Variants in TMEM31 observed in about 807,000 individuals in gnomAD.
The protein encoded by TMEM31 is testicular secretory protein Li 58.
Under a neutral mutation model 2.4 loss-of-function variants are expected in TMEM31, and 1 was observed. That is an observed-to-expected ratio of 0.42 (90% confidence interval 0.15 to 1.97). TMEM31 has a LOEUF of 1.97. Ranked by LOEUF, TMEM31 falls within the 30% of genes most tolerant of loss-of-function variation. The pLI, the probability that TMEM31 is intolerant of heterozygous loss-of-function variation, is 0.30. For synonymous variants in TMEM31, 47 were observed against 45.8 expected (o/e 1.03, Z -0.10); for missense variants, 119 against 121.3 (o/e 0.98, Z 0.09).
rs143771884 is a variant in TMEM31, at chrX:103,713,660, C to G, written c.169C>G (p.Arg57Gly). ...TQPSRCRLPS[R>G]RTPTTSSDRT... is the part of the protein sequence containing the mutation. ...GCCATCCAGATGTCGATTGCCTTCA[C>G]GTAGGACACCTACAACATCCAGCGA... is the stretch of plus-strand genomic sequence containing the variant. The change falls in exon 3 of 3, where the codon CGT becomes GGT. Residue 57 changes from arginine to glycine, a missense_variant. By Grantham distance (125) the Arg-to-Gly change is moderately radical (BLOSUM62 -2). Transcript: ENST00000319560. 4 of 1,212,308 alleles carry G rather than the reference C, an allele frequency of 3.3e-6. No homozygotes were observed. The African/African-American group carries it at 6.9e-5, about 21-fold the overall frequency.
In TMEM31 at chrX:103,713,924, T is replaced by C; in HGVS notation, c.433T>C (p.Ser145Pro). Residue 145 changes from serine to proline, a missense_variant, in exon 3 of 3, where the codon TCC becomes CCC. Transcript: ENST00000319560. ...FYKFFLPTILSLSFFILLVLL... is the reference protein window; with the variant it reads ...FYKFFLPTILPLSFFILLVLL... ...CAAGTTTTTCCTTCCTACAATTCTT[T>C]CCCTTTCTTTCTTTATTCTTCTTGT... 8.3e-7 allele frequency: 1 copy of C among 1,211,611 alleles called. No individual in the cohort carries two copies. Among genetic ancestry groups the C allele is most frequent in the African/African-American group, 1.7e-5 (1 of 57,796 alleles).
At chrX:103,713,397 G>T (rs1173080520) in intron 2 of TMEM31, 197 bp from the exon 3 acceptor site, 10 of 798,855 alleles carry the variant, frequency 1.3e-5, no homozygotes, top group Non-Finnish European at 1.8e-5. Context: ...TATGAATCCA[G>T]GGTTTCTGAT....
intron 1 of TMEM31, among the ~76,000 whole-genome samples, chrX:103,711,387 C>G (rs376114412): frequency 3.7e-4 from 40 of 107,682 alleles, no homozygotes; most frequent in East Asian, 2.0e-3. Context: ...AGGAGGCTGA[C>G]GCAGGAGAAT....
intron 1 of TMEM31, among the ~76,000 whole-genome samples, chrX:103,711,599 T>G (rs976354918): frequency 1.8e-5 from 2 of 112,001 alleles, no homozygotes; most frequent in African/African-American, 6.5e-5. Flanking sequence ...GCTTTTAGGT[T>G]TCTTGAAGAA....
Position 103,713,861 on chromosome X carries a change from A to G in TMEM31, c.370A>G (p.Ile124Val). 2.5e-6 allele frequency: 3 copies of G among 1,211,815 alleles called. No homozygotes were observed. The highest frequency in any genetic ancestry group is 3.4e-6 in the Non-Finnish European group (3 of 895,511). Residue 124 changes from isoleucine (I) to valine (V), a missense_variant, in exon 3 of 3, where the codon ATA (isoleucine) becomes GTA (valine). Transcript: ENST00000319560. ...AQMEKIGLPI[I>V]LHLFALSTLY... ...GATGGAAAAGATCGGACTGCCCATC[A>G]TACTCCACCTCTTCGCACTCTCCAC...
rs1403109213 is a variant in TMEM31, at chrX:103,713,803, C to T, written c.312C>T (p.Ala104=). The T allele has an allele frequency of 8.3e-7, 1 of 1,209,786 alleles. No individual in the cohort carries two copies. The highest frequency in any genetic ancestry group is 1.8e-5 in the African/African-American group (1 of 56,998). The change falls in exon 3 of 3, where the codon GCC becomes GCT. Residue 104 remains alanine (A), a synonymous_variant. Transcript: ENST00000319560. ...AATTTCTTCTGGTGTTTAAAGAAGC[C>T]TTCCATGACATATCCCATTGTCTGA... is the stretch of plus-strand genomic sequence containing the variant. ...YPEFLLVFKE[A]FHDISHCLKA...
At chrX:103,713,463 T>C (rs1243623567) in intron 2 of TMEM31, 131 bp from the exon 3 acceptor site, 24 of 1,154,259 alleles carry the variant, frequency 2.1e-5, no homozygotes, top group Non-Finnish European at 2.8e-5. Context: ...GGAGGCGGAG[T>C]AGGGAGGAAG....
intron 1 of TMEM31, among the ~76,000 whole-genome samples, chrX:103,711,979 T>C (rs1414499438): frequency 5.4e-5 from 6 of 111,850 alleles, no homozygotes; most frequent in African/African-American, 2.0e-4. Context: ...TCTCTGGCTT[T>C]AGAGCCTCCA....
intron 1 of TMEM31, among the ~76,000 whole-genome samples, chrX:103,711,345 G>C (rs1307625545): frequency 1.8e-5 from 2 of 110,406 alleles, no homozygotes; most frequent in Admixed American, 1.9e-4. Flanking sequence ...TTAGCCGGGC[G>C]TGGTGGCGGG....
intron 2 of TMEM31, among the ~76,000 whole-genome samples, chrX:103,712,690 C>T (rs767979265): frequency 9.0e-6 from 1 of 111,546 alleles, no homozygotes; most frequent in South Asian, 3.7e-4. Flanking sequence ...CACCACCACA[C>T]CGGCTAATTT....
At position 103,712,238 on chromosome X, in the gene TMEM31, G is replaced by A. The variant is rs1311837702; in HGVS notation, c.-21G>A. On this transcript the variant is annotated splice_region_variant and 5_prime_UTR_variant, in exon 2 of 3. Coordinates refer to ENST00000319560, the MANE Select transcript of TMEM31 (RefSeq NM_182541.2). Reference sequence around the variant, plus strand: ...AGATTTCTTTTATATTTCCCCAGGTGATCACTTTACTGTAGAAGAAATGAG... The same window carrying A: ...AGATTTCTTTTATATTTCCCCAGGTAATCACTTTACTGTAGAAGAAATGAG... The A allele has an allele frequency of 8.5e-7, 1 of 1,177,234 alleles. No homozygotes were observed. Among genetic ancestry groups the A allele is most frequent in the Admixed American group, 2.3e-5 (1 of 42,689 alleles).
intron 1 of TMEM31, 78 bp from the exon 2 acceptor site, chrX:103,712,158 T>A (rs2074226261): frequency 2.8e-6 from 2 of 713,154 alleles, no homozygotes; most frequent in Non-Finnish European, 4.2e-6. Context: ...ACAACTTACC[T>A]AGCACCTATT....
intron 2 of TMEM31, among the ~76,000 whole-genome samples, chrX:103,713,098 T>TC (rs1450884130): frequency 4.5e-5 from 5 of 110,270 alleles, no homozygotes; most frequent in African/African-American, 1.3e-4. Context: ...TTTCTTTCTT[T>TC]TTTTTTTTTG....
At chrX:103,712,683 C>G (rs1403397541) in intron 2 of TMEM31, among the ~76,000 whole-genome samples, 2 of 111,298 alleles carry the variant, frequency 1.8e-5, no homozygotes, top group Non-Finnish European at 3.8e-5. Flanking sequence ...AGGTGCCCAC[C>G]ACCACACCGG....
chrX:103,713,037 C>T (rs1377335052), intron 2 of TMEM31, among the ~76,000 whole-genome samples: 5 of 110,717 alleles, frequency 4.5e-5, no homozygotes, highest in African/African-American at 1.3e-4. Context: ...GATTAAAGTA[C>T]TTAGCTTAAC....
chrX:103,711,945 C>T (rs1015052843), intron 1 of TMEM31, among the ~76,000 whole-genome samples: 2 of 111,765 alleles, frequency 1.8e-5, no homozygotes, highest in Non-Finnish European at 3.8e-5. Context: ...TTTCCCATCC[C>T]CCAGAGGTCA....
At chrX:103,713,321 C>A (rs926424970) in intron 2 of TMEM31, among the ~76,000 whole-genome samples, 1 of 111,265 alleles carries the variant, frequency 9.0e-6, no homozygotes, top group African/African-American at 3.3e-5. Flanking sequence ...AACTCCCGAC[C>A]ACAGGTGATC....
chrX:103,712,399 G>A, intron 2 of TMEM31, 39 bp downstream of exon 2: 1 of 1,095,291 alleles, frequency 9.1e-7, no homozygotes, highest in Non-Finnish European at 1.2e-6. Context: ...AGTTATGGGG[G>A]TCCTCTTATA....
chrX:103,713,660 C>T lies in TMEM31; in HGVS notation c.169C>T (p.Arg57Cys), dbSNP rs143771884. ...GCCATCCAGATGTCGATTGCCTTCA[C>T]GTAGGACACCTACAACATCCAGCGA... Reference protein sequence around the residue: ...TQPSRCRLPSRRTPTTSSDRT... With the variant: ...TQPSRCRLPSCRTPTTSSDRT... The change falls in exon 3 of 3, where the codon CGT becomes TGT. Residue 57 changes from arginine to cysteine, a missense_variant. Arg to Cys is a radical substitution (Grantham distance 180). Transcript: ENST00000319560. 9.9e-6 allele frequency: 12 copies of T among 1,210,673 alleles called. No individual in the cohort carries two copies. The African/African-American group carries it at 1.4e-4, about 14-fold the overall frequency.
Sources: gnomAD v4.1 joint callset for allele counts (sites outside exome capture counted in the v4.1 genomes callset) on GRCh38, gnomAD v4.1.1 for gene constraint, MANE v1.5 for transcripts, NCBI Gene and HGNC (gene_info 2026-07-23, HGNC 2026-07-21) for gene names.